BICD1: variants seen among roughly 807,000 people sequenced by gnomAD.
The protein encoded by BICD1 is protein bicaudal D homolog 1.
Under a neutral mutation model 92.5 loss-of-function variants are expected in BICD1, and 35 were observed. That is an observed-to-expected ratio of 0.38 (90% CI 0.29 to 0.50). The LOEUF (loss-of-function observed/expected upper bound fraction) is 0.50. Among genes scored for constraint, BICD1 ranks in the 20% least tolerant of loss-of-function variants. The pLI, the probability that BICD1 is intolerant of heterozygous loss-of-function variation, is 0.93. For synonymous variants in BICD1, 429 were observed against 465.1 expected, an observed-to-expected ratio of 0.92 and a Z score of 1.00; for missense variants, 950 against 1,189.8, an observed-to-expected ratio of 0.80 and a Z score of 2.97.
At chr12:32,289,351 T>C (rs1197524771) in intron 2 of BICD1, among the ~76,000 whole-genome samples, 2 of 152,228 alleles carry the variant, frequency 1.3e-5, no homozygotes, top group South Asian at 4.1e-4. Context: ...TTTTTGCTAT[T>C]CCATATATCT....
At chr12:32,285,406 A>G (rs1947535055) in intron 2 of BICD1, among the ~76,000 whole-genome samples, 1 of 152,170 alleles carries the variant, frequency 6.6e-6, no homozygotes, top group Non-Finnish European at 1.5e-5. Flanking sequence ...TAACCAAGCT[A>G]TTATTAATAT....
In BICD1 at chr12:32,107,309, TCCTGCCTC is replaced by T; in HGVS notation, c.-21_-14del. The T allele has an allele frequency of 6.5e-7, 1 of 1,541,182 alleles. No homozygotes were observed. ...CCATCTCCCCCACCCCGTAACCCCCTCCTGCCTCCATCCACCGGGGCTATGGCCGCAGA... is the reference window on the plus strand; with the variant it reads ...CCATCTCCCCCACCCCGTAACCCCCTCATCCACCGGGGCTATGGCCGCAGA... On this transcript the variant is annotated 5_prime_UTR_variant, in exon 1 of 10. Coordinates refer to ENST00000652176, the MANE Select transcript of BICD1 (RefSeq NM_001714.4).
Position 32,114,028 on chromosome 12 carries a change from C to A in BICD1, c.213+6484C>A, listed in dbSNP as rs1377965754. Among the ~76,000 whole-genome samples, 6 of 152,104 alleles carry A rather than the reference C, an allele frequency of 3.9e-5. No homozygotes were observed. The East Asian group carries it at 1.2e-3, about 29-fold the overall frequency. On this transcript the variant is annotated intron_variant, in intron 1 of 9. Coordinates refer to ENST00000652176, the MANE Select transcript of BICD1 (RefSeq NM_001714.4). ...GGGATTATAGGCGCGCGCCACCACG[C>A]CTGGCTAGTTTTTGTATTTTTTTTA...
intron 2 of BICD1, among the ~76,000 whole-genome samples, chr12:32,292,488 T>C (rs1947751803): frequency 6.6e-6 from 1 of 152,234 alleles, no homozygotes; most frequent in East Asian, 1.9e-4. Flanking sequence ...GGGAGACAAT[T>C]GAACCTACAT....
intron 2 of BICD1, among the ~76,000 whole-genome samples, chr12:32,250,322 A>C (rs1404601230): frequency 6.6e-6 from 1 of 152,166 alleles, no homozygotes; most frequent in African/African-American, 2.4e-5. Flanking sequence ...TACCTACCTC[A>C]GTGGGGTTAT....
intron 1 of BICD1, among the ~76,000 whole-genome samples, chr12:32,181,893 T>A (rs1379738001): frequency 1.3e-5 from 2 of 152,036 alleles, no homozygotes; most frequent in Non-Finnish European, 2.9e-5. Flanking sequence ...GTGCAGCAGA[T>A]TGCAGGGAAA....
intron 8 of BICD1, chr12:32,353,582 A>T (rs1039993986): frequency 7.2e-5 from 11 of 151,908 alleles, no homozygotes; most frequent in East Asian, 5.8e-4. Context: ...TTTAATGATT[A>T]AAAAAAATGA....
intron 9 of BICD1, among the ~76,000 whole-genome samples, chr12:32,376,879 G>T (rs1485707616): frequency 3.1e-5 from 1 of 32,754 alleles, no homozygotes; most frequent in Non-Finnish European, 5.1e-5. Context: ...AAAAAAAAGG[G>T]GGGGGGGGGT....
intron 4 of BICD1, among the ~76,000 whole-genome samples, 195 bp from the exon 5 acceptor site, chr12:32,327,266 C>A (rs1948802580): frequency 1.3e-5 from 2 of 152,192 alleles, no homozygotes; most frequent in East Asian, 1.9e-4. Context: ...CAGTATAATT[C>A]TTTTAGAATT....
At chr12:32,141,843 C>T (rs560326373) in intron 1 of BICD1, among the ~76,000 whole-genome samples, 15 of 152,292 alleles carry the variant, frequency 9.8e-5, no homozygotes, top group African/African-American at 3.4e-4. Context: ...TTTTTATTCG[C>T]CGTTCGTTGT....
intron 3 of BICD1, among the ~76,000 whole-genome samples, chr12:32,298,162 G>T (rs1347946422): frequency 6.9e-6 from 1 of 144,672 alleles, no homozygotes; most frequent in African/African-American, 2.5e-5. Context: ...CAGCCTGAGC[G>T]ATAGAGTGAG....
intron 2 of BICD1, among the ~76,000 whole-genome samples, chr12:32,225,641 T>TTTTTTTTTTTTTTTG (rs1945664708): frequency 5.2e-5 from 7 of 134,210 alleles, no homozygotes; most frequent in Non-Finnish European, 9.6e-5. Flanking sequence ...TTTTTTTTTT[T>TTTTTTTTTTTTTTTG]AGACGGAGTT....
In BICD1 at chr12:32,328,759, A is replaced by G. The variant is rs1937680310; in HGVS notation, c.2100+204A>G. 6.6e-6 allele frequency among the ~76,000 whole-genome samples: 1 copy of G among 152,172 alleles called. No homozygotes were observed. Among genetic ancestry groups the G allele is most frequent in the Admixed American group, 6.5e-5 (1 of 15,278 alleles). On this transcript the variant is annotated intron_variant, in intron 5 of 9. Coordinates refer to ENST00000652176, the MANE Select transcript of BICD1 (RefSeq NM_001714.4). This position sits in a 1 kb window ranked among gnomAD's most constrained non-coding sequence, Gnocchi z 4.4. ...GAAATACCTGTGCCCAGTTAGGTGG[A>G]GGCAGAGGTGAGGAACTTAAAGCAG...
chr12:32,225,641 T>TTTTTTTTTTTTTGTG (rs1945664708), intron 2 of BICD1, among the ~76,000 whole-genome samples: 1 of 134,216 alleles, frequency 7.5e-6, no homozygotes. Flanking sequence ...TTTTTTTTTT[T>TTTTTTTTTTTTTGTG]AGACGGAGTT....
At chr12:32,133,695 A>G (rs1312744023) in intron 1 of BICD1, among the ~76,000 whole-genome samples, 1 of 151,862 alleles carries the variant, frequency 6.6e-6, no homozygotes, top group Non-Finnish European at 1.5e-5. Flanking sequence ...AGTCATTTTT[A>G]TTCCTATAAA....
intron 2 of BICD1, among the ~76,000 whole-genome samples, chr12:32,236,952 G>A (rs566200515): frequency 9.3e-5 from 13 of 139,610 alleles, no homozygotes; most frequent in African/African-American, 3.3e-4. Flanking sequence ...TCGGCTCACT[G>A]CAAGCTCTGC....
In BICD1 at chr12:32,328,970, A is replaced by G. The variant is rs4931012; in HGVS notation, c.2100+415A>G. On this transcript the variant is annotated intron_variant, in intron 5 of 9. Coordinates refer to ENST00000652176, the MANE Select transcript of BICD1 (RefSeq NM_001714.4). This position sits in a 1 kb window ranked among gnomAD's most constrained non-coding sequence, Gnocchi z 4.4. ...AAAGACAAACACCCAGCAGGCAGCT[A>G]GAGCAAACAGAGGGAAATCTGGGTA... Among the ~76,000 whole-genome samples, 34,247 of 152,134 alleles carry G rather than the reference A, an allele frequency of 0.23. 4,337 individuals are homozygous for G. The highest frequency in any genetic ancestry group is 0.6 in the East Asian group (3,098 of 5,168).
chr12:32,271,562 A>G (rs1209921726), intron 2 of BICD1, among the ~76,000 whole-genome samples: 1 of 152,156 alleles, frequency 6.6e-6, no homozygotes, highest in Non-Finnish European at 1.5e-5. Context: ...CCCTTCCCCC[A>G]AGGAATCACT....
intron 5 of BICD1, among the ~76,000 whole-genome samples, chr12:32,329,101 TA>T (rs770004909): frequency 3.2e-4 from 42 of 132,242 alleles, no homozygotes; most frequent in African/African-American, 4.8e-4. Context: ...TTATTATTAT[TA>T]TTATTTTTTA....
Sources: gnomAD v4.1 joint callset for allele counts (sites outside exome capture counted in the v4.1 genomes callset) on GRCh38, gnomAD v4.1.1 for gene constraint, Gnocchi (gnomAD v3.1) non-coding constraint, MANE v1.5 for transcripts, NCBI Gene and HGNC (gene_info 2026-07-23, HGNC 2026-07-21) for gene names.